EEF2K: variants seen among roughly 807,000 people sequenced by gnomAD.
EEF2K encodes the protein alternative protein EEF2K.
EEF2K carries 70 observed loss-of-function variants against 93.8 expected under a neutral mutation model. The ratio of observed to expected loss-of-function variants is 0.75; its 90% CI spans 0.62 to 0.91. EEF2K has a LOEUF of 0.91. EEF2K is among the 40% of genes least tolerant of loss of function. The probability of loss-of-function intolerance (pLI) is 0.00; values close to 1 mark genes in which losing one functional copy is unlikely to be tolerated. For missense variants in EEF2K, 935 were observed against 972.9 expected, an observed-to-expected ratio of 0.96 and a Z score of 0.52; for synonymous variants, 376 against 380.8, an observed-to-expected ratio of 0.99 and a Z score of 0.15.
chr16:22,280,712 T>C lies in EEF2K; in HGVS notation c.2068+336T>C, dbSNP rs368243144. Among the ~76,000 whole-genome samples, 31 of 149,560 alleles carry C rather than the reference T, an allele frequency of 2.1e-4. No homozygotes were observed. In the East Asian group the frequency reaches 4.0e-3, roughly 19 times the overall value. On this transcript the variant is annotated intron_variant, in intron 17 of 17. Transcript: ENST00000263026. ...CGGAGTCTCGCTCTATAGCCCAGAC[T>C]GGAGTGCAACGGCATAATCTTGGCT... is the stretch of plus-strand genomic sequence containing the variant.
intron 2 of EEF2K, among the ~76,000 whole-genome samples, chr16:22,231,381 G>A (rs1430813181): frequency 2.0e-5 from 3 of 150,960 alleles, no homozygotes; most frequent in East Asian, 4.0e-4. Flanking sequence ...CTCCCAAAGT[G>A]CTGGGATTAC....
chr16:22,251,165 A>G lies in EEF2K; in HGVS notation c.461A>G (p.Asn154Ser), dbSNP rs997599754. 19 of 1,613,654 alleles carry G rather than the reference A, an allele frequency of 1.2e-5. No individual in the cohort carries two copies. The highest frequency in any genetic ancestry group is 2.2e-5 in the East Asian group (1 of 44,882). ...TCTTCCCACAGGAAGAAGCTCTCCA[A>G]CTTCTTGCATGCCCAGCAGTGGAAG... The part of the protein sequence containing the change: ...RECFRTKKLS[N>S]FLHAQQWKGA... Residue 154 changes from asparagine to serine, a missense_variant, in exon 6 of 18, where the codon AAC becomes AGC. By Grantham distance (46) the Asn-to-Ser change is conservative. Transcript: ENST00000263026.
In EEF2K at chr16:22,277,018, T is replaced by TAA. The variant is rs532354362; in HGVS notation, c.1890-3180_1890-3179insAA. 3.9e-4 allele frequency among the ~76,000 whole-genome samples: 60 copies of TAA among 152,234 alleles called. 2 individuals carry two copies. The highest frequency in any genetic ancestry group is 1.4e-3 in the African/African-American group (59 of 41,522). On this transcript the variant is annotated intron_variant, in intron 16 of 17. Transcript: ENST00000263026. Reference sequence around the variant, plus strand: ...AGGCAGAGGTTACAGTGAGCCAAGATCACATCATTCCACTCCAGCCTGGGC... The same window carrying TAA: ...AGGCAGAGGTTACAGTGAGCCAAGATAACACATCATTCCACTCCAGCCTGGGC...
At chr16:22,221,001 G>C (rs72768927) in intron 1 of EEF2K, among the ~76,000 whole-genome samples, 1,571 of 152,358 alleles carry the variant, frequency 0.01, 25 homozygotes, top group Middle Eastern at 0.082. Flanking sequence ...GAAGATTCTG[G>C]TGACAAGCAG....
At chr16:22,270,037 A>C (rs2047562101) in intron 15 of EEF2K, among the ~76,000 whole-genome samples, 1 of 151,234 alleles carries the variant, frequency 6.6e-6, no homozygotes, top group Admixed American at 6.6e-5. Flanking sequence ...AGCTCACTGC[A>C]ACCTCCACCA....
intron 2 of EEF2K, among the ~76,000 whole-genome samples, chr16:22,229,835 A>G (rs2047098475): frequency 6.6e-6 from 1 of 152,262 alleles, no homozygotes; most frequent in Admixed American, 6.5e-5. Flanking sequence ...AGTACTGTAA[A>G]CAAAATGCCT....
chr16:22,251,416 CTTTTT>C, intron 6 of EEF2K, 94 bp downstream of exon 6: 6 of 1,129,990 alleles, frequency 5.3e-6, no homozygotes, highest in Non-Finnish European at 5.9e-6. Flanking sequence ...ATTTCACCTT[CTTTTT>C]TTTTTTTTTT....
chr16:22,279,400 G>T (rs1364562927), intron 16 of EEF2K, among the ~76,000 whole-genome samples: 1 of 151,888 alleles, frequency 6.6e-6, no homozygotes, highest in African/African-American at 2.4e-5. Flanking sequence ...ACCACACCCA[G>T]CTTTTTGTGT....
chr16:22,257,319 G>A lies in EEF2K; in HGVS notation c.835G>A (p.Gly279Arg). 5.0e-6 allele frequency: 8 copies of A among 1,611,792 alleles called. No individual in the cohort carries two copies. The South Asian group carries it at 5.5e-5, about 11-fold the overall frequency. The change falls in exon 8 of 18, where the codon GGG becomes AGG. Residue 279 changes from glycine to arginine, a missense_variant. Transcript: ENST00000263026. ...GATAGTGGTGGACATCCAGGGAGTT[G>A]GGGATCTCTACACTGACCCACAGAT... ...QLIVVDIQGV[G>R]DLYTDPQIHT...
chr16:22,251,449 T>C, intron 6 of EEF2K, 127 bp downstream of exon 6: 1 of 1,224,310 alleles, frequency 8.2e-7, no homozygotes, highest in Non-Finnish European at 1.1e-6. Flanking sequence ...AGTCTTGCTC[T>C]GTCACCCACC....
chr16:22,235,311 T>A (rs2047157326), intron 2 of EEF2K, among the ~76,000 whole-genome samples: 1 of 152,156 alleles, frequency 6.6e-6, no homozygotes, highest in South Asian at 2.1e-4. Flanking sequence ...ATGGACATTT[T>A]GTTGCTACTG....
intron 1 of EEF2K, among the ~76,000 whole-genome samples, chr16:22,208,255 G>A (rs574176560): frequency 6.6e-6 from 1 of 152,292 alleles, no homozygotes; most frequent in African/African-American, 2.4e-5. Flanking sequence ...GGGCGTGGTG[G>A]CTCAGGCCTT....
intron 16 of EEF2K, among the ~76,000 whole-genome samples, chr16:22,276,717 G>A (rs765264142): frequency 1.3e-5 from 2 of 152,184 alleles, no homozygotes; most frequent in Non-Finnish European, 2.9e-5. Context: ...ACCAGGGAAG[G>A]TCAGAGCAGA....
At chr16:22,260,593 C>A in intron 11 of EEF2K, 64 bp downstream of exon 11, 1 of 1,600,120 alleles carries the variant, frequency 6.2e-7, no homozygotes, top group Non-Finnish European at 8.6e-7. Context: ...TGGATTCACT[C>A]CCAGAGTGAA....
At position 22,256,765 on chromosome 16, in the gene EEF2K, G is replaced by A. The variant is rs531042317; in HGVS notation, c.636G>A (p.Met212Ile). 2.4e-5 allele frequency: 39 copies of A among 1,614,032 alleles called. No homozygotes were observed. The East Asian group carries it at 2.7e-4, about 11-fold the overall frequency. The change falls in exon 7 of 18, where the codon ATG becomes ATA. Residue 212 changes from methionine (M) to isoleucine (I), a missense_variant. Coordinates refer to ENST00000263026, the MANE Select transcript of EEF2K (RefSeq NM_013302.5). ...KPPKQVDIMQ[M>I]CIIELKDRPG... is the part of the protein sequence containing the mutation. ...CCCACCAGGTGGACATCATGCAGAT[G>A]TGCATCATCGAGCTGAAGGACAGAC... is the stretch of plus-strand genomic sequence containing the variant.
At chr16:22,224,111 G>A (rs1163637548) in intron 1 of EEF2K, among the ~76,000 whole-genome samples, 1 of 152,142 alleles carries the variant, frequency 6.6e-6, no homozygotes, top group East Asian at 1.9e-4. Flanking sequence ...GGAGACTGAG[G>A]CAGGAGAATT....
intron 17 of EEF2K, 75 bp from the exon 18 acceptor site, chr16:22,283,812 G>T: frequency 7.3e-7 from 1 of 1,366,754 alleles, no homozygotes; most frequent in Non-Finnish European, 1.0e-6. Flanking sequence ...CTTCTGGGAG[G>T]GGTGATGGGG....
chr16:22,254,069 G>A lies in EEF2K; in HGVS notation c.619-2679G>A, dbSNP rs1051409570. Among the ~76,000 whole-genome samples, 9 of 151,992 alleles carry A rather than the reference G, an allele frequency of 5.9e-5. No homozygotes were observed. In the South Asian group the frequency reaches 6.2e-4, roughly 10 times the overall value. ...AGCCGAGATTGGGCTACTGCACTCC[G>A]GCCTGGGTGACAGAGCAAGACTCCA... On this transcript the variant is annotated intron_variant, in intron 6 of 17. Transcript: ENST00000263026.
chr16:22,252,428 A>C (rs1485960198), intron 6 of EEF2K, among the ~76,000 whole-genome samples: 1 of 152,118 alleles, frequency 6.6e-6, no homozygotes, highest in East Asian at 1.9e-4. Flanking sequence ...GACAAAACCT[A>C]TTTCCCCAGA....
Sources: gnomAD v4.1 joint callset for allele counts (sites outside exome capture counted in the v4.1 genomes callset) on GRCh38, gnomAD v4.1.1 for gene constraint, MANE v1.5 for transcripts, NCBI Gene and HGNC (gene_info 2026-07-23, HGNC 2026-07-21) for gene names.